Variants in OPCML observed in about 807,000 individuals in gnomAD.
The protein encoded by OPCML is opioid-binding protein/cell adhesion molecule.
In OPCML, 13 loss-of-function variants were observed where a neutral mutation model predicts 37.8. That is an observed-to-expected ratio of 0.34 (90% CI 0.22 to 0.55). The LOEUF is 0.55. Among genes scored for constraint, OPCML ranks in the 20% least tolerant of loss-of-function variants. The pLI, the probability that OPCML is intolerant of heterozygous loss-of-function variation, is 0.91. For synonymous variants in OPCML, 176 were observed against 168.8 expected, an observed-to-expected ratio of 1.04 and a Z score of -0.33; for missense variants, 341 against 435.6, an observed-to-expected ratio of 0.78 and a Z score of 1.93.
chr11:133,402,720 G>T (rs1315219482), intron 1 of OPCML, among the ~76,000 whole-genome samples: 1 of 152,166 alleles, frequency 6.6e-6, no homozygotes, highest in African/African-American at 2.4e-5. Context: ...TCCCCACACA[G>T]CTCAGGCTTC....
chr11:132,570,922 G>A (rs2096436882), intron 3 of OPCML, among the ~76,000 whole-genome samples: 2 of 151,000 alleles, frequency 1.3e-5, no homozygotes, highest in Non-Finnish European at 3.0e-5. Context: ...AGTATCTCCA[G>A]ATAGCTGGTA....
chr11:132,684,964 A>G (rs1192944792), intron 2 of OPCML, among the ~76,000 whole-genome samples: 1 of 152,214 alleles, frequency 6.6e-6, no homozygotes, highest in Non-Finnish European at 1.5e-5. Flanking sequence ...ACCCACTAAA[A>G]GCTCTTTTAT....
At position 132,436,716 on chromosome 11, in the gene OPCML, C is replaced by A; in HGVS notation, c.707G>T (p.Ser236Ile). The A allele has an allele frequency of 6.2e-7, 1 of 1,614,176 alleles. No homozygotes were observed. Among genetic ancestry groups the A allele is most frequent in the Non-Finnish European group, 8.5e-7 (1 of 1,180,036 alleles). Residue 236 changes from serine to isoleucine, a missense_variant, in exon 6 of 8, where the codon AGC (serine) becomes ATC (isoleucine). Physicochemically the swap from Ser to Ile is moderately radical, Grantham distance 142. Coordinates refer to ENST00000524381, the MANE Select transcript of OPCML (RefSeq NM_001012393.5). Reference protein sequence around the residue: ...GVSVGQKGILSCEASAVPMAE... With the variant: ...GVSVGQKGILICEASAVPMAE... ...CATGGGGACTGCAGAGGCTTCACAG[C>A]TCAGGATGCCCTTCTGACCGACTGA...
chr11:132,908,852 G>T (rs562947626), intron 2 of OPCML, among the ~76,000 whole-genome samples: 1 of 152,360 alleles, frequency 6.6e-6, no homozygotes, highest in Non-Finnish European at 1.5e-5. Flanking sequence ...GGTGGTCACA[G>T]GTAAGGATAC....
At chr11:132,629,062 C>T (rs1939923879) in intron 3 of OPCML, among the ~76,000 whole-genome samples, 1 of 152,084 alleles carries the variant, frequency 6.6e-6, no homozygotes, top group South Asian at 2.1e-4. Flanking sequence ...TTATTCAGGC[C>T]AACCCATCCT....
chr11:133,002,892 G>C (rs1035058733), intron 1 of OPCML, among the ~76,000 whole-genome samples: 3 of 152,080 alleles, frequency 2.0e-5, no homozygotes, highest in African/African-American at 7.2e-5. Flanking sequence ...AGACTTCTTA[G>C]CACCACTTGA....
At chr11:132,843,003 C>A (rs1298345833) in intron 2 of OPCML, among the ~76,000 whole-genome samples, 1 of 152,012 alleles carries the variant, frequency 6.6e-6, no homozygotes, top group South Asian at 2.1e-4. Flanking sequence ...TAAACTAAGA[C>A]ATTACATTCA....
chr11:132,451,892 C>G (rs1004809711), intron 4 of OPCML, among the ~76,000 whole-genome samples: 1 of 152,084 alleles, frequency 6.6e-6, no homozygotes, highest in African/African-American at 2.4e-5. Context: ...TTTTGTGCCC[C>G]GTTTTCTCTC....
At chr11:133,420,543 T>G (rs1182033668) in intron 1 of OPCML, 1 of 982,320 alleles carries the variant, frequency 1.0e-6, no homozygotes, top group Non-Finnish European at 1.2e-6. Flanking sequence ...TAGATCCATC[T>G]GCAAACATCA....
intron 1 of OPCML, among the ~76,000 whole-genome samples, chr11:133,306,779 T>C (rs1942930241): frequency 6.6e-6 from 1 of 152,152 alleles, no homozygotes; most frequent in Non-Finnish European, 1.5e-5. Flanking sequence ...ATTGATGTGG[T>C]TCATAATTTG....
At chr11:132,465,051 C>A (rs985010405) in intron 4 of OPCML, among the ~76,000 whole-genome samples, 3 of 152,036 alleles carry the variant, frequency 2.0e-5, no homozygotes, top group African/African-American at 7.2e-5. Flanking sequence ...ATGAAATAGA[C>A]CTATTCATGT....
At chr11:133,291,216 T>C (rs187463858) in intron 1 of OPCML, among the ~76,000 whole-genome samples, 5 of 152,384 alleles carry the variant, frequency 3.3e-5, no homozygotes, top group Admixed American at 3.3e-4. Context: ...GTTGTTTTGT[T>C]GATGTTCCTT....
rs78691421 is a variant in OPCML at position 133,231,897 on chromosome 11, A to T, written c.62-288887T>A. Among the ~76,000 whole-genome samples, 115 of 152,088 alleles carry T rather than the reference A, an allele frequency of 7.6e-4. 1 individual carries two copies. In the East Asian group the frequency reaches 0.017, roughly 23 times the overall value. Reference sequence around the variant, plus strand: ...GGGAGAAGCAGGCAGGGAGTGGGGAAGTCAGTAGATTAAAATGGACACATG... The same window carrying T: ...GGGAGAAGCAGGCAGGGAGTGGGGATGTCAGTAGATTAAAATGGACACATG... On this transcript the variant is annotated intron_variant, in intron 1 of 7. Coordinates refer to ENST00000524381, the MANE Select transcript of OPCML (RefSeq NM_001012393.5).
chr11:132,807,224 C>A (rs1939070737), intron 2 of OPCML, among the ~76,000 whole-genome samples: 1 of 152,112 alleles, frequency 6.6e-6, no homozygotes. Context: ...ACCTACGTCT[C>A]AAACTTGGTT....
intron 1 of OPCML, among the ~76,000 whole-genome samples, chr11:133,521,701 G>A (rs1387962948): frequency 6.6e-6 from 1 of 152,228 alleles, no homozygotes; most frequent in Non-Finnish European, 1.5e-5. Flanking sequence ...CAAGGAAACT[G>A]CAGCTTCTCT....
chr11:132,799,734 T>TA (rs559551643), intron 2 of OPCML, among the ~76,000 whole-genome samples: 78 of 145,870 alleles, frequency 5.3e-4, no homozygotes, highest in South Asian at 1.3e-3. Context: ...CTTCTACTTG[T>TA]AAAAAAAAAA....
At chr11:132,472,172 C>A (rs1338639643) in intron 4 of OPCML, among the ~76,000 whole-genome samples, 1 of 152,218 alleles carries the variant, frequency 6.6e-6, no homozygotes, top group African/African-American at 2.4e-5. Flanking sequence ...TTAAATACTT[C>A]TCTGCACTTG....
At chr11:133,303,620 G>C (rs1162824756) in intron 1 of OPCML, among the ~76,000 whole-genome samples, 5 of 152,172 alleles carry the variant, frequency 3.3e-5, no homozygotes, top group Non-Finnish European at 7.3e-5. Context: ...AATGAGACTT[G>C]CATAAAATAT....
chr11:132,679,704 G>A (rs1190834247), intron 2 of OPCML, among the ~76,000 whole-genome samples: 7 of 152,046 alleles, frequency 4.6e-5, no homozygotes, highest in East Asian at 1.9e-4. Flanking sequence ...GCAAATATAC[G>A]AAAAACAAAC....
Sources: gnomAD v4.1 joint callset for allele counts (sites outside exome capture counted in the v4.1 genomes callset) on GRCh38, gnomAD v4.1.1 for gene constraint, MANE v1.5 for transcripts, NCBI Gene and HGNC (gene_info 2026-07-23, HGNC 2026-07-21) for gene names.